TMPRSS15: variants seen among roughly 807,000 people sequenced by gnomAD.
TMPRSS15 encodes the protein transmembrane serine protease 15.
In TMPRSS15, 128 loss-of-function variants were observed where a neutral mutation model predicts 125.3. The observed-to-expected ratio is 1.02, with a 90% CI of 0.89 to 1.18. The LOEUF is 1.18. Among genes scored for constraint, TMPRSS15 ranks in the 50% most tolerant of loss-of-function variants. TMPRSS15 has a pLI of 0.00. For missense variants in TMPRSS15, 1,283 were observed against 1,212.7 expected, an observed-to-expected ratio of 1.06 and a Z score of -0.86; for synonymous variants, 446 against 423.2, an observed-to-expected ratio of 1.05 and a Z score of -0.66.
At chr21:18,328,477 A>G (rs559646918) in intron 15 of TMPRSS15, among the ~76,000 whole-genome samples, 2 of 152,288 alleles carry the variant, frequency 1.3e-5, no homozygotes, top group East Asian at 3.9e-4. Context: ...GAACTACATA[A>G]TGGGTGTCCT....
At chr21:18,446,820 C>A (rs1020002287) in intron 1 of TMPRSS15, among the ~76,000 whole-genome samples, 1 of 152,088 alleles carries the variant, frequency 6.6e-6, no homozygotes, top group African/African-American at 2.4e-5. Flanking sequence ...CAAAGTAGGA[C>A]CAAAACTGCT....
intron 1 of TMPRSS15, among the ~76,000 whole-genome samples, chr21:18,419,781 G>C (rs1357920608): frequency 6.6e-6 from 1 of 152,078 alleles, no homozygotes; most frequent in African/African-American, 2.4e-5. Context: ...ATCCTGCCCT[G>C]GTATGTGACT....
chr21:18,359,711 A>T, intron 8 of TMPRSS15, 46 bp downstream of exon 8: 4 of 939,876 alleles, frequency 4.3e-6, no homozygotes, highest in Non-Finnish European at 6.9e-6. Flanking sequence ...AAATTTACCC[A>T]CATATTTTCA....
rs1404957176 is a variant in TMPRSS15 at position 18,321,539 on chromosome 21, A to G, written c.1921+4893T>C. 3.3e-5 allele frequency among the ~76,000 whole-genome samples: 5 copies of G among 152,058 alleles called. 1 individual carries two copies. In the South Asian group the frequency reaches 1.0e-3, roughly 32 times the overall value. ...AGCTAATATTTTGTATTATTAGTAGAGACGGGGTTTCACCGTGTTAGCCAG... is the reference window on the plus strand; with the variant it reads ...AGCTAATATTTTGTATTATTAGTAGGGACGGGGTTTCACCGTGTTAGCCAG... On this transcript the variant is annotated intron_variant, in intron 16 of 24. Transcript: ENST00000284885.
chr21:18,365,626 T>C (rs200839270), intron 6 of TMPRSS15, among the ~76,000 whole-genome samples: 42,978 of 111,554 alleles, frequency 0.39, 10,995 homozygotes, highest in Non-Finnish European at 0.45. Context: ...CTCTCTTTCT[T>C]TCTCTTTCTC....
chr21:18,464,580 C>A lies in TMPRSS15; in HGVS notation c.10+21219G>T, dbSNP rs1266507100. ...CAATAAAATATGATAAAGGGGATAT[C>A]ACCACCAACCCCATAGAAATACAAA... On this transcript the variant is annotated intron_variant, in intron 1 of 7. Transcript: ENST00000422787. Among the ~76,000 whole-genome samples the A allele has an allele frequency of 3.9e-5, 6 of 152,190 alleles. No individual in the cohort carries two copies. The South Asian group carries it at 6.2e-4, about 16-fold the overall frequency.
chr21:18,351,835 T>A lies in TMPRSS15; in HGVS notation c.1171+1068A>T, dbSNP rs78377147. Among the ~76,000 whole-genome samples, 86 of 152,164 alleles carry A rather than the reference T, an allele frequency of 5.7e-4. No homozygotes were observed. The East Asian group carries it at 0.011, about 19-fold the overall frequency. On this transcript the variant is annotated intron_variant, in intron 10 of 24. Transcript: ENST00000284885. Reference sequence around the variant, plus strand: ...ATAAGTGAGTAAATATAATGCTATATAATAGGAAAAATGGAAGAGGTGCTT... The same window carrying A: ...ATAAGTGAGTAAATATAATGCTATAAAATAGGAAAAATGGAAGAGGTGCTT...
At chr21:18,437,954 G>T (rs1347814072) in intron 1 of TMPRSS15, among the ~76,000 whole-genome samples, 4 of 151,416 alleles carry the variant, frequency 2.6e-5, no homozygotes, top group Admixed American at 2.0e-4. Flanking sequence ...AATACCATTT[G>T]ACCCAGCCAT....
intron 21 of TMPRSS15, among the ~76,000 whole-genome samples, chr21:18,284,919 T>C (rs2074744409): frequency 6.6e-6 from 1 of 151,902 alleles, no homozygotes; most frequent in African/African-American, 2.4e-5. Context: ...GAGAATTGCT[T>C]GAACCCGGGA....
chr21:18,454,472 G>C (rs1459976652), intron 1 of TMPRSS15, among the ~76,000 whole-genome samples: 2 of 152,060 alleles, frequency 1.3e-5, no homozygotes, highest in East Asian at 3.9e-4. Context: ...CAAATACAAA[G>C]GCTGAGAAGT....
intron 1 of TMPRSS15, among the ~76,000 whole-genome samples, chr21:18,448,162 T>A (rs1434694044): frequency 6.6e-6 from 1 of 152,204 alleles, no homozygotes; most frequent in East Asian, 1.9e-4. Flanking sequence ...TCTACATTTC[T>A]ATGTTTATTG....
At chr21:18,411,483 A>G (rs1314033869) in intron 1 of TMPRSS15, among the ~76,000 whole-genome samples, 1 of 152,146 alleles carries the variant, frequency 6.6e-6, no homozygotes, top group African/African-American at 2.4e-5. Flanking sequence ...TCTTTACATT[A>G]AAAAGTCTTT....
chr21:18,457,258 G>A (rs986626361), intron 1 of TMPRSS15, among the ~76,000 whole-genome samples: 4 of 152,032 alleles, frequency 2.6e-5, no homozygotes, highest in Non-Finnish European at 5.9e-5. Flanking sequence ...AGTTAGACAC[G>A]AAAAATGAAA....
At position 18,462,539 on chromosome 21, in the gene TMPRSS15, G is replaced by A. The variant is rs185465781; in HGVS notation, c.10+23260C>T. Among the ~76,000 whole-genome samples the A allele has an allele frequency of 6.2e-3, 945 of 151,770 alleles. 5 individuals carry two copies. The highest frequency in any genetic ancestry group is 0.035 in the South Asian group (169 of 4,816). ...ATAAGGAAAGAACACCATTATATTT[G>A]AATAACATTGTTAAAATAAAATAAA... is the stretch of plus-strand genomic sequence containing the variant. On this transcript the variant is annotated intron_variant, in intron 1 of 7. Transcript: ENST00000422787.
intron 10 of TMPRSS15, among the ~76,000 whole-genome samples, chr21:18,348,049 G>A (rs747087843): frequency 4.6e-5 from 7 of 152,142 alleles, no homozygotes; most frequent in Admixed American, 4.6e-4. Flanking sequence ...GCTGGGTGTG[G>A]TAGAATGCAC....
chr21:18,464,172 CAAA>C (rs1163284712), intron 1 of TMPRSS15, among the ~76,000 whole-genome samples: 592 of 37,086 alleles, frequency 0.016, 2 homozygotes, highest in African/African-American at 0.038. Context: ...GACTCCGTCT[CAAA>C]AAAAAAAAAA....
Position 18,336,738 on chromosome 21 carries a change from G to A in TMPRSS15, c.1565-4565C>T, listed in dbSNP as rs9984682. Among the ~76,000 whole-genome samples, 392 of 152,228 alleles carry A rather than the reference G, an allele frequency of 2.6e-3. 1 individual carries two copies. The highest frequency in any genetic ancestry group is 8.9e-3 in the African/African-American group (370 of 41,542). On this transcript the variant is annotated intron_variant, in intron 13 of 24. Transcript: ENST00000284885. ...GCTGTGGCTATTCACAAGCATGATC[G>A]TAGTGCACCCGAGCCTTGAACTCCT...
rs768391912 is a variant in TMPRSS15 at position 18,294,588 on chromosome 21, A to G, written c.2311+15T>C. 6.2e-7 allele frequency: 1 copy of G among 1,609,866 alleles called. No individual in the cohort carries two copies. The highest frequency in any genetic ancestry group is 1.3e-5 in the African/African-American group (1 of 74,854). ...CAGAATGCTTGAAGTGGGATATGAC[A>G]ACATATTTACTTACATTTATGGTTA... On this transcript the variant is annotated intron_variant, in intron 20 of 24. Coordinates refer to ENST00000284885, the MANE Select transcript of TMPRSS15 (RefSeq NM_002772.3).
chr21:18,297,965 T>C, intron 18 of TMPRSS15, 136 bp from the exon 19 acceptor site: 2 of 638,688 alleles, frequency 3.1e-6, no homozygotes, highest in Non-Finnish European at 5.5e-6. Context: ...AACGTTTTAA[T>C]ATAAAACTTC....
Sources: allele counts gnomAD v4.1 joint callset (sites outside exome capture counted in the v4.1 genomes callset), GRCh38; gene constraint gnomAD v4.1.1; transcripts MANE v1.5; gene names NCBI Gene and HGNC (gene_info 2026-07-23, HGNC 2026-07-21).